Variants in POLQ observed in about 807,000 individuals in gnomAD.
POLQ encodes the protein DNA polymerase theta.
Under a neutral mutation model 259.2 loss-of-function variants are expected in POLQ, and 233 were observed. The ratio of observed to expected loss-of-function variants is 0.90; its 90% CI spans 0.81 to 1.00. The LOEUF (loss-of-function observed/expected upper bound fraction) is 1.00. POLQ is among the 50% of genes least tolerant of loss of function. The pLI is 0.00. For synonymous variants in POLQ, 1,025 were observed against 1,048.8 expected (o/e 0.98, Z 0.44); for missense variants, 2,871 against 3,051.6 (o/e 0.94, Z 1.39).
At chr3:121,507,359 C>T (rs1038031503) in intron 12 of POLQ, among the ~76,000 whole-genome samples, 5 of 152,300 alleles carry the variant, frequency 3.3e-5, no homozygotes, top group African/African-American at 7.2e-5. Flanking sequence ...TTTACCATGG[C>T]TTTCTTAAAC....
chr3:121,541,397 A>G lies in POLQ; in HGVS notation c.426T>C (p.Phe142=), dbSNP rs2048488496. ...TAGCCACAGAAACAAAGGGAAGAAT[A>G]AACAAAGCTTTCTTCCGCATTTCCA... ...RVLEMRKKAL[F]ILPFVSVAKE... is the part of the protein sequence containing the mutation. The change falls in exon 3 of 30, where the codon TTT becomes TTC. Residue 142 remains phenylalanine (F), a synonymous_variant. Coordinates refer to ENST00000264233, the MANE Select transcript of POLQ (RefSeq NM_199420.4). 6 of 1,610,032 alleles carry G rather than the reference A, an allele frequency of 3.7e-6. No individual in the cohort carries two copies. In the Admixed American group the frequency reaches 8.4e-5, roughly 23 times the overall value.
In POLQ at chr3:121,471,360, G is replaced by A. The variant is rs78275103; in HGVS notation, c.6718+630C>T. Among the ~76,000 whole-genome samples, 1,135 of 152,146 alleles carry A rather than the reference G, an allele frequency of 7.5e-3. 15 individuals carry two copies. The highest frequency in any genetic ancestry group is 0.026 in the African/African-American group (1,087 of 41,496). On this transcript the variant is annotated intron_variant, in intron 22 of 29. Transcript: ENST00000264233. Reference sequence around the variant, plus strand: ...AAGGGCTGGGACTGAAATTAGATAAGACCACTGACTCAAATATTTAATTCC... The same window carrying A: ...AAGGGCTGGGACTGAAATTAGATAAAACCACTGACTCAAATATTTAATTCC...
At chr3:121,500,052 G>GGGA (rs751742144) in intron 12 of POLQ, among the ~76,000 whole-genome samples, 1 of 152,092 alleles carries the variant, frequency 6.6e-6, no homozygotes, top group African/African-American at 2.4e-5. Flanking sequence ...AGGCTGAGAG[G>GGGA]GGAGGACCAC....
intron 11 of POLQ, 43 bp from the exon 12 acceptor site, chr3:121,509,746 A>G: frequency 6.4e-7 from 1 of 1,555,704 alleles, no homozygotes; most frequent in Non-Finnish European, 8.7e-7. Context: ...ACAAACATTC[A>G]AAATAAAATA....
intron 9 of POLQ, among the ~76,000 whole-genome samples, chr3:121,513,582 CAGAG>C (rs1471016518): frequency 5.3e-5 from 5 of 94,642 alleles, no homozygotes. Flanking sequence ...AGCCTGGCAA[CAGAG>C]AGAGACTCTA....
Position 121,436,147 on chromosome 3 carries a change from C to T in POLQ, c.7518G>A (p.Glu2506=). Residue 2506 remains glutamate (E), a synonymous_variant, in exon 28 of 30, where the codon GAG becomes GAA. Transcript: ENST00000264233. ...HSTFKSHGHR[E]GMLQSDQTGL... is the part of the protein sequence containing the mutation. ...CTGTTTGGTCACTTTGGAGCATACC[C>T]TCTCGATGACCATGGGATTTGAAGG... 1.2e-6 allele frequency: 2 copies of T among 1,613,828 alleles called. No homozygotes were observed. Among genetic ancestry groups the T allele is most frequent in the Non-Finnish European group, 1.7e-6 (2 of 1,179,734 alleles).
intron 22 of POLQ, among the ~76,000 whole-genome samples, chr3:121,470,603 T>C (rs1418288881): frequency 6.6e-6 from 1 of 152,164 alleles, no homozygotes; most frequent in Non-Finnish European, 1.5e-5. Context: ...TATTACCTTA[T>C]TCGTTTATTG....
At chr3:121,541,515 A>C (rs1322914248) in intron 2 of POLQ, 36 bp from the exon 3 acceptor site, 1 of 1,559,752 alleles carries the variant, frequency 6.4e-7, no homozygotes, top group Admixed American at 1.9e-5. Flanking sequence ...TATAAGAAAA[A>C]AGTAATATTC....
intron 19 of POLQ, among the ~76,000 whole-genome samples, chr3:121,478,820 A>G (rs1302933362): frequency 6.6e-6 from 1 of 152,208 alleles, no homozygotes; most frequent in African/African-American, 2.4e-5. Flanking sequence ...TTCACCAGGA[A>G]GACAAATCAT....
At chr3:121,528,900 C>T (rs1177558385) in intron 7 of POLQ, among the ~76,000 whole-genome samples, 2 of 151,886 alleles carry the variant, frequency 1.3e-5, no homozygotes, top group Non-Finnish European at 2.9e-5. Context: ...TGCAGTGAGC[C>T]GAGATCATGC....
intron 15 of POLQ, among the ~76,000 whole-genome samples, chr3:121,491,678 G>T (rs951285483): frequency 6.6e-6 from 1 of 152,178 alleles, no homozygotes; most frequent in African/African-American, 2.4e-5. Flanking sequence ...CAGATAACTA[G>T]AGAGGAACAA....
At chr3:121,455,838 T>C (rs1181731420) in intron 25 of POLQ, among the ~76,000 whole-genome samples, 1 of 152,208 alleles carries the variant, frequency 6.6e-6, no homozygotes, top group African/African-American at 2.4e-5. Context: ...CTTCTGAAGC[T>C]ATTCCAATCA....
At chr3:121,445,833 A>T (rs2047628608) in intron 26 of POLQ, among the ~76,000 whole-genome samples, 1 of 151,450 alleles carries the variant, frequency 6.6e-6, no homozygotes, top group Non-Finnish European at 1.5e-5. Flanking sequence ...ACTGCCCACC[A>T]GCCTGGGTGA....
In POLQ at chr3:121,490,269, G is replaced by A. The variant is rs1255732435; in HGVS notation, c.2662C>T (p.Gln888Ter). ...ACTCCCATTTCAACTAAGTCCTGCT[G>A]CAGAATCATTCTGGCTTCTTCCACT... Reference protein sequence around the residue: ...LIVEEARMILQQDLVEMGVQW... With the variant: ...LIVEEARMIL Residue 888 changes from glutamine to a stop codon, truncating the protein, a stop_gained, in exon 16 of 30, where the codon CAG (glutamine) becomes TAG (stop). Transcript: ENST00000264233. LOFTEE classifies it high-confidence loss of function. 3.1e-6 allele frequency: 5 copies of A among 1,614,182 alleles called. No homozygotes were observed. Among genetic ancestry groups the A allele is most frequent in the Non-Finnish European group, 4.2e-6 (5 of 1,180,000 alleles).
At chr3:121,446,331 A>G (rs2047632397) in intron 26 of POLQ, among the ~76,000 whole-genome samples, 1 of 152,082 alleles carries the variant, frequency 6.6e-6, no homozygotes, top group Non-Finnish European at 1.5e-5. Flanking sequence ...ATATTTTAAA[A>G]CTTGTTTTGT....
intron 24 of POLQ, among the ~76,000 whole-genome samples, chr3:121,465,992 C>CT (rs931982748): frequency 1.3e-5 from 2 of 152,162 alleles, no homozygotes; most frequent in African/African-American, 4.8e-5. Flanking sequence ...AAAGCTAGGC[C>CT]TCTTGTGCCA....
intron 20 of POLQ, 26 bp downstream of exon 20, chr3:121,476,514 C>T: frequency 6.5e-7 from 1 of 1,541,104 alleles, no homozygotes; most frequent in East Asian, 2.3e-5. Context: ...AATTATGTAT[C>T]TATATCCCTA....
chr3:121,454,566 A>C (rs1454849134), intron 25 of POLQ, among the ~76,000 whole-genome samples: 1 of 152,204 alleles, frequency 6.6e-6, no homozygotes, highest in African/African-American at 2.4e-5. Flanking sequence ...AAACAAAAAA[A>C]AGCAGGGGTT....
chr3:121,455,994 G>C (rs1420485381), intron 25 of POLQ, among the ~76,000 whole-genome samples: 1 of 152,120 alleles, frequency 6.6e-6, no homozygotes, highest in East Asian at 1.9e-4. Flanking sequence ...TAAAATACTG[G>C]CAAACCAAAT....
Sources: gnomAD v4.1 joint callset for allele counts (sites outside exome capture counted in the v4.1 genomes callset) on GRCh38, gnomAD v4.1.1 for gene constraint, MANE v1.5 for transcripts, NCBI Gene and HGNC (gene_info 2026-07-23, HGNC 2026-07-21) for gene names.